THSD4: variants seen among roughly 807,000 people sequenced by gnomAD.
The protein encoded by THSD4 is thrombospondin type 1 domain containing 4.
THSD4 carries 69 observed loss-of-function variants against 119.0 expected under a neutral mutation model. The ratio of observed to expected loss-of-function variants is 0.58; its 90% CI spans 0.48 to 0.71. THSD4 has a LOEUF of 0.71. THSD4 is among the 30% of genes least tolerant of loss of function. The pLI is 0.00. For missense variants in THSD4, 1,393 were observed against 1,391.1 expected (o/e 1.00, Z -0.02); for synonymous variants, 524 against 540.4 (o/e 0.97, Z 0.42).
intron 6 of THSD4, among the ~76,000 whole-genome samples, chr15:71,259,069 C>T (rs180971941): frequency 7.2e-4 from 110 of 151,808 alleles, no homozygotes; most frequent in African/African-American, 2.4e-3. Context: ...GCTGAGATCA[C>T]GCCATTGCAC....
chr15:71,583,958 G>T lies in THSD4; in HGVS notation c.1153-76572G>T, dbSNP rs1334156959. Among the ~76,000 whole-genome samples, 3 of 152,194 alleles carry T rather than the reference G, an allele frequency of 2.0e-5. No homozygotes were observed. In the East Asian group the frequency reaches 5.8e-4, roughly 29 times the overall value. ...TTGTTCAAGTCCACTGTTCCTTATG[G>T]ATTTTCTGTCTGGATGATCTGTTTA... On this transcript the variant is annotated intron_variant, in intron 7 of 17. Transcript: ENST00000261862.
upstream of THSD4, among the ~76,000 whole-genome samples, chr15:71,114,132 C>T (rs1361762740): frequency 6.6e-6 from 1 of 152,196 alleles, no homozygotes; most frequent in Non-Finnish European, 1.5e-5. Context: ...TCAGAACTGG[C>T]TCTGCCAGGC....
rs146522475 is a variant in THSD4, at chr15:71,632,447, G to A, written c.1153-28083G>A. ...TCCAGGGATTGTTTGCAACCAACAG[G>A]CTGAAAGCCAAAAGCCCTATGGCCA... On this transcript the variant is annotated intron_variant, in intron 7 of 17. Coordinates refer to ENST00000261862, the MANE Select transcript of THSD4 (RefSeq NM_024817.3). Among the ~76,000 whole-genome samples the A allele has an allele frequency of 3.4e-3, 512 of 152,314 alleles. 4 individuals are homozygous for A. The highest frequency in any genetic ancestry group is 0.012 in the African/African-American group (494 of 41,572).
intron 7 of THSD4, among the ~76,000 whole-genome samples, chr15:71,650,880 A>G (rs2051072695): frequency 1.3e-5 from 2 of 152,322 alleles, no homozygotes; most frequent in South Asian, 4.1e-4. Flanking sequence ...GAACCAGTAC[A>G]AGAACCTTAC....
At chr15:71,672,420 T>C (rs2051551112) in intron 8 of THSD4, among the ~76,000 whole-genome samples, 1 of 152,230 alleles carries the variant, frequency 6.6e-6, no homozygotes, top group South Asian at 2.1e-4. Flanking sequence ...TATGCAATCA[T>C]GTCATCTGCA....
At chr15:71,168,203 T>C (rs1238157513) in intron 3 of THSD4, among the ~76,000 whole-genome samples, 1 of 152,242 alleles carries the variant, frequency 6.6e-6, no homozygotes, top group African/African-American at 2.4e-5. Context: ...AGCAAGACTT[T>C]AATAAAACAA....
At chr15:71,157,234 A>G (rs1055877036) in intron 3 of THSD4, among the ~76,000 whole-genome samples, 2 of 152,190 alleles carry the variant, frequency 1.3e-5, no homozygotes, top group African/African-American at 4.8e-5. Context: ...AGGTCCCCAA[A>G]TAGGTATCAC....
At chr15:71,450,014 A>G (rs963140258) in intron 7 of THSD4, among the ~76,000 whole-genome samples, 6 of 152,220 alleles carry the variant, frequency 3.9e-5, no homozygotes, top group Admixed American at 6.5e-5. Context: ...ACTCTGGCCT[A>G]GGGCAGCTGT....
intron 7 of THSD4, among the ~76,000 whole-genome samples, chr15:71,521,231 A>T (rs2048436301): frequency 3.3e-5 from 5 of 152,164 alleles, no homozygotes; most frequent in Admixed American, 3.3e-4. Flanking sequence ...CACCTAAAAA[A>T]CTGCTTACTT....
At chr15:71,533,844 C>A (rs2048650381) in intron 7 of THSD4, among the ~76,000 whole-genome samples, 1 of 152,090 alleles carries the variant, frequency 6.6e-6, no homozygotes, top group Non-Finnish European at 1.5e-5. Flanking sequence ...AGGAGATGTG[C>A]TCTAAGTAGG....
intron 3 of THSD4, among the ~76,000 whole-genome samples, chr15:71,167,549 G>C (rs1201955137): frequency 6.6e-6 from 1 of 152,098 alleles, no homozygotes; most frequent in East Asian, 1.9e-4. Context: ...GAAGATTTTG[G>C]GTAAAAGTAT....
intron 7 of THSD4, among the ~76,000 whole-genome samples, chr15:71,563,321 G>T (rs1230137469): frequency 6.6e-6 from 1 of 152,142 alleles, no homozygotes; most frequent in African/African-American, 2.4e-5. Flanking sequence ...ATCTCGGATA[G>T]TAAAGACTCT....
At chr15:71,437,981 C>T (rs778111731) in intron 7 of THSD4, among the ~76,000 whole-genome samples, 2 of 152,176 alleles carry the variant, frequency 1.3e-5, no homozygotes, top group Non-Finnish European at 2.9e-5. Flanking sequence ...AGAACTGAAC[C>T]TTCAGGGACT....
chr15:71,293,119 T>C (rs1463203036), intron 6 of THSD4, among the ~76,000 whole-genome samples: 2 of 152,230 alleles, frequency 1.3e-5, no homozygotes, highest in East Asian at 3.8e-4. Flanking sequence ...ATATCCATAT[T>C]GGACAGGTCG....
chr15:71,560,903 G>C (rs4533237), intron 7 of THSD4, among the ~76,000 whole-genome samples: 47,723 of 151,534 alleles, frequency 0.31, 7,961 homozygotes, highest in Non-Finnish European at 0.38. Context: ...ACACAGGCCT[G>C]AGCTTGACTC....
chr15:71,568,682 C>G (rs927905915), intron 7 of THSD4, among the ~76,000 whole-genome samples: 4 of 151,580 alleles, frequency 2.6e-5, no homozygotes, highest in Non-Finnish European at 4.4e-5. Context: ...TGTTGGTGCG[C>G]TGCACCCATT....
At chr15:71,299,976 A>AATATACATATATATATATATATATAT (rs2044924941) in intron 6 of THSD4, among the ~76,000 whole-genome samples, 1 of 48,320 alleles carries the variant, frequency 2.1e-5, no homozygotes, top group African/African-American at 7.7e-5. Context: ...AAAAAAAAAA[A>AATATACATATATATATATATATATAT]ATATATATAT....
intron 7 of THSD4, among the ~76,000 whole-genome samples, chr15:71,442,660 G>GTGTATGTATGTATATA: frequency 1.5e-4 from 4 of 25,824 alleles, no homozygotes; most frequent in Non-Finnish European, 3.7e-4. Flanking sequence ...GTGTGTGTGT[G>GTGTATGTATGTATATA]TATATATATA....
intron 8 of THSD4, 39 bp from the exon 9 acceptor site, chr15:71,728,510 C>G: frequency 6.2e-7 from 1 of 1,608,480 alleles, no homozygotes; most frequent in South Asian, 1.1e-5. Flanking sequence ...TGTGCACACC[C>G]TGGGCTTACC....
Sources: gnomAD v4.1 joint callset for allele counts (sites outside exome capture counted in the v4.1 genomes callset) on GRCh38, gnomAD v4.1.1 for gene constraint, MANE v1.5 for transcripts, NCBI Gene and HGNC (gene_info 2026-07-23, HGNC 2026-07-21) for gene names.